Variants in PPM1L observed in about 807,000 individuals in gnomAD.
PPM1L encodes the protein protein phosphatase, Mg2+/Mn2+ dependent 1L.
A neutral mutation model predicts 31.4 loss-of-function variants in PPM1L; 13 were observed. The observed-to-expected ratio is 0.41, with a 90% CI of 0.27 to 0.66. The LOEUF (loss-of-function observed/expected upper bound fraction) is 0.66. PPM1L is among the 30% of genes least tolerant of loss of function. The pLI, the probability that PPM1L is intolerant of heterozygous loss-of-function variation, is 0.29. For synonymous variants in PPM1L, 184 were observed against 175.4 expected (o/e 1.05, Z -0.39); for missense variants, 326 against 453.7 (o/e 0.72, Z 2.56).
rs115825477 is a variant in PPM1L at position 160,874,009 on chromosome 3, A to G, written c.400-87727A>G. 5.1e-3 allele frequency among the ~76,000 whole-genome samples: 784 copies of G among 152,296 alleles called. 6 individuals carry two copies. The highest frequency in any genetic ancestry group is 0.018 in the African/African-American group (752 of 41,552). On this transcript the variant is annotated intron_variant, in intron 1 of 3. Transcript: ENST00000498165. ...AGAGGGCTATTAATTTTCTGTCTAT[A>G]TCAGACATTTCCTAGGTTTTTGGCT...
chr3:160,821,597 A>AT (rs1307566319), intron 1 of PPM1L, among the ~76,000 whole-genome samples: 1 of 152,088 alleles, frequency 6.6e-6, no homozygotes, highest in South Asian at 2.1e-4. Flanking sequence ...AAATAATTCA[A>AT]TTTTTTGGGA....
chr3:160,758,718 G>A (rs1229214766), intron 1 of PPM1L, among the ~76,000 whole-genome samples: 3 of 152,128 alleles, frequency 2.0e-5, no homozygotes, highest in Admixed American at 2.0e-4. Flanking sequence ...ATCCAGAAAA[G>A]GGACACGATA....
At chr3:160,816,292 T>TGTGTGTGTGTGTGA (rs10576376) in intron 1 of PPM1L, among the ~76,000 whole-genome samples, 2 of 147,148 alleles carry the variant, frequency 1.4e-5, no homozygotes, top group African/African-American at 5.1e-5. Flanking sequence ...TGTGTGTGTG[T>TGTGTGTGTGTGTGA]GAAACCCATA....
intron 1 of PPM1L, among the ~76,000 whole-genome samples, chr3:160,761,780 A>C (rs1263951280): frequency 1.3e-5 from 2 of 152,228 alleles, no homozygotes; most frequent in Non-Finnish European, 2.9e-5. Flanking sequence ...GGGAAGCCTC[A>C]CAGTCATGGC....
rs139176589 is a variant in PPM1L at position 161,017,576 on chromosome 3, A to G, written c.575-47827A>G. Among the ~76,000 whole-genome samples the G allele has an allele frequency of 4.6e-4, 70 of 152,276 alleles. No individual in the cohort carries two copies. In the East Asian group the frequency reaches 0.011, roughly 24 times the overall value. On this transcript the variant is annotated intron_variant, in intron 2 of 3. Transcript: ENST00000498165. ...TCAGAAGTAAGTGCCCATTATGCCT[A>G]TTGTATTACAATTTTTCTAAGCCCA...
At chr3:160,857,161 G>T (rs1292500442) in intron 1 of PPM1L, among the ~76,000 whole-genome samples, 1 of 152,122 alleles carries the variant, frequency 6.6e-6, no homozygotes, top group Admixed American at 6.5e-5. Context: ...GAAAAATACG[G>T]AAATTTTTTT....
At chr3:160,824,215 C>G (rs796582883) in intron 1 of PPM1L, among the ~76,000 whole-genome samples, 6 of 152,104 alleles carry the variant, frequency 3.9e-5, no homozygotes, top group African/African-American at 1.4e-4. Context: ...AGTTTGCTTT[C>G]TGCCATGAGA....
At chr3:160,973,298 G>A (rs1434476935) in intron 2 of PPM1L, among the ~76,000 whole-genome samples, 1 of 152,194 alleles carries the variant, frequency 6.6e-6, no homozygotes, top group African/African-American at 2.4e-5. Flanking sequence ...CTCTGAAGTA[G>A]TATTTGATTA....
chr3:160,889,794 C>T (rs560975592), intron 1 of PPM1L, among the ~76,000 whole-genome samples: 17 of 152,298 alleles, frequency 1.1e-4, no homozygotes, highest in African/African-American at 2.6e-4. Context: ...TATCAAAAAA[C>T]GTATCCACCA....
intron 1 of PPM1L, among the ~76,000 whole-genome samples, chr3:160,898,063 A>G (rs1271277099): frequency 1.3e-5 from 2 of 152,226 alleles, no homozygotes; most frequent in Non-Finnish European, 2.9e-5. Flanking sequence ...AGGAAGAAAA[A>G]AAAATCACCT....
intron 3 of PPM1L, among the ~76,000 whole-genome samples, chr3:161,065,934 T>C (rs1719725550): frequency 6.6e-6 from 1 of 152,266 alleles, no homozygotes; most frequent in Admixed American, 6.5e-5. Context: ...TTGCAAGTGC[T>C]GTTCTGGGTC....
intron 2 of PPM1L, among the ~76,000 whole-genome samples, chr3:160,977,516 A>G (rs943820377): frequency 6.6e-6 from 1 of 152,220 alleles, no homozygotes; most frequent in Non-Finnish European, 1.5e-5. Context: ...TTTCAAAATA[A>G]CACCTGTACT....
chr3:160,851,579 A>G (rs1259524349), intron 1 of PPM1L, among the ~76,000 whole-genome samples: 1 of 152,266 alleles, frequency 6.6e-6, no homozygotes, highest in Non-Finnish European at 1.5e-5. Context: ...AAGGAAGAAT[A>G]GCTTGTTAAA....
intron 2 of PPM1L, among the ~76,000 whole-genome samples, chr3:161,013,644 A>T (rs1275414458): frequency 6.6e-6 from 1 of 152,012 alleles, no homozygotes; most frequent in Non-Finnish European, 1.5e-5. Flanking sequence ...TCCCATTATT[A>T]TTGTGTGGGA....
At chr3:160,904,549 G>A (rs894639063) in intron 1 of PPM1L, among the ~76,000 whole-genome samples, 2 of 152,060 alleles carry the variant, frequency 1.3e-5, no homozygotes, top group Non-Finnish European at 2.9e-5. Context: ...AAAGAGTATG[G>A]CTGTAGACTC....
At chr3:161,030,611 G>A (rs1356660867) in intron 2 of PPM1L, among the ~76,000 whole-genome samples, 1 of 152,160 alleles carries the variant, frequency 6.6e-6, no homozygotes, top group Non-Finnish European at 1.5e-5. Context: ...ATGCCAAAGT[G>A]GGAATTTGGG....
Position 161,039,001 on chromosome 3 carries a change from C to T in PPM1L, c.575-26402C>T, listed in dbSNP as rs555107868. 2.0e-5 allele frequency among the ~76,000 whole-genome samples: 3 copies of T among 152,290 alleles called. No homozygotes were observed. In the South Asian group the frequency reaches 6.2e-4, roughly 32 times the overall value. ...AGTCCTCCTCACTGCTACCCTCCCA[C>T]CAGCACCATGACAGTTTACAAATGG... On this transcript the variant is annotated intron_variant, in intron 2 of 3. Coordinates refer to ENST00000498165, the MANE Select transcript of PPM1L (RefSeq NM_139245.4).
At position 160,756,828 on chromosome 3, in the gene PPM1L, T is replaced by A; in HGVS notation, c.399+121T>A. On this transcript the variant is annotated intron_variant, in intron 1 of 3. Transcript: ENST00000498165. This position sits in a 1 kb window ranked among gnomAD's most constrained non-coding sequence, Gnocchi z 6.2. ...ACAGCGTGTGCGCAGCGGGAGAGGA[T>A]CTGGGTGCGAGGGGCGTGGTGATGA... 1 of 1,141,472 alleles carries A rather than the reference T, an allele frequency of 8.8e-7. No homozygotes were observed. The highest frequency in any genetic ancestry group is 1.2e-6 in the Non-Finnish European group (1 of 825,296). 70.7% of individuals were successfully genotyped at this position (1,141,472 alleles called of 1,614,324 possible). A position where few individuals can be genotyped will look rare whatever the true frequency, so the allele number is the denominator to read the frequency against.
rs78733072 is a variant in PPM1L at position 161,065,780 on chromosome 3, C to T, written c.736+216C>T. Reference sequence around the variant, plus strand: ...AAGATTCCAAAAGAACTAAAAAGCCCATTTCCAGTTTAAAGGCTAATAAGA... The same window carrying T: ...AAGATTCCAAAAGAACTAAAAAGCCTATTTCCAGTTTAAAGGCTAATAAGA... On this transcript the variant is annotated intron_variant, in intron 3 of 3. Coordinates refer to ENST00000498165, the MANE Select transcript of PPM1L (RefSeq NM_139245.4). Among the ~76,000 whole-genome samples the T allele has an allele frequency of 3.5e-3, 532 of 152,284 alleles. 2 individuals carry two copies. The highest frequency in any genetic ancestry group is 0.012 in the African/African-American group (516 of 41,558).
Sources: gnomAD v4.1 joint callset for allele counts (sites outside exome capture counted in the v4.1 genomes callset) on GRCh38, gnomAD v4.1.1 for gene constraint, Gnocchi (gnomAD v3.1) non-coding constraint, MANE v1.5 for transcripts, NCBI Gene and HGNC (gene_info 2026-07-23, HGNC 2026-07-21) for gene names.